The following DEPTOR variants were observed in gnomAD, a reference collection of about 807,000 sequenced individuals.
DEPTOR encodes the protein DEP domain-containing mTOR-interacting protein.
DEPTOR carries 41 observed loss-of-function variants against 41.6 expected under a neutral mutation model. That is an observed-to-expected ratio of 0.98 (90% CI 0.77 to 1.28). DEPTOR has a LOEUF of 1.28. Ranked by LOEUF, DEPTOR falls within the 50% of genes most tolerant of loss-of-function variation. The pLI, the probability that DEPTOR is intolerant of heterozygous loss-of-function variation, is 0.00. For synonymous variants in DEPTOR, 195 were observed against 192.3 expected (o/e 1.01, Z -0.12); for missense variants, 514 against 527.9 (o/e 0.97, Z 0.26).
chr8:119,884,749 A>G (rs964842118), intron 1 of DEPTOR, among the ~76,000 whole-genome samples: 5 of 151,764 alleles, frequency 3.3e-5, no homozygotes, highest in Admixed American at 6.6e-5. Context: ...TTGGAGATAG[A>G]GTCTCTCTCT....
chr8:119,975,387 CTTTG>C (rs749978383), intron 4 of DEPTOR, among the ~76,000 whole-genome samples: 4 of 152,096 alleles, frequency 2.6e-5, no homozygotes, highest in African/African-American at 7.2e-5. Context: ...GTAAGGAAAA[CTTTG>C]TTTAAGATAA....
chr8:120,034,209 C>T (rs1245353961), intron 8 of DEPTOR, among the ~76,000 whole-genome samples: 1 of 151,704 alleles, frequency 6.6e-6, no homozygotes, highest in East Asian at 1.9e-4. Context: ...TTACTTTTCC[C>T]ACCAAAACAC....
Position 119,929,767 on chromosome 8 carries a change from A to T in DEPTOR, c.302-48A>T, listed in dbSNP as rs182428471. On this transcript the variant is annotated intron_variant, in intron 2 of 8. Coordinates refer to ENST00000286234, the MANE Select transcript of DEPTOR (RefSeq NM_022783.4). The stretch of plus-strand genomic sequence containing the variant: ...CATACTTCGCTTGAGTAATTAAATA[A>T]GAGCGATTTTTTTTCTCATTTGCTT... 6,979 of 1,564,068 alleles carry T rather than the reference A, an allele frequency of 4.5e-3. 34 individuals are homozygous for T. Among genetic ancestry groups the T allele is most frequent in the Middle Eastern group, 0.019 (109 of 5,826 alleles).
Position 119,965,242 on chromosome 8 carries a change from C to T in DEPTOR, c.436C>T (p.Pro146Ser). ...GQRLYEKLMS[P>S]ENTLLQPREE... Reference sequence around the variant, plus strand: ...TTTTTTTCTTCCCAGGCTGATGAGCCCTGAAAACACACTCCTGCAGCCCAG... The same window carrying T: ...TTTTTTTCTTCCCAGGCTGATGAGCTCTGAAAACACACTCCTGCAGCCCAG... The change falls in exon 4 of 9, where the codon CCT becomes TCT. Residue 146 changes from proline (P) to serine (S), a missense_variant. By Grantham distance (74) the Pro-to-Ser change is moderately conservative. Transcript: ENST00000286234. 6.2e-7 allele frequency: 1 copy of T among 1,612,356 alleles called. No homozygotes were observed. The highest frequency in any genetic ancestry group is 1.1e-5 in the South Asian group (1 of 90,590).
chr8:119,920,172 A>T (rs190883263), intron 1 of DEPTOR, among the ~76,000 whole-genome samples: 2 of 152,128 alleles, frequency 1.3e-5, no homozygotes, highest in Non-Finnish European at 2.9e-5. Flanking sequence ...ACTCTTCCCA[A>T]TGGTTTAATG....
chr8:119,913,941 C>A (rs919567368), intron 1 of DEPTOR, among the ~76,000 whole-genome samples: 1 of 152,154 alleles, frequency 6.6e-6, no homozygotes, highest in African/African-American at 2.4e-5. Flanking sequence ...ACAAGCCCTC[C>A]TGCTTTTCCT....
Position 119,965,226 on chromosome 8 carries a change from TCCCAG to T in DEPTOR, c.426-5_426-1del. 3.1e-6 allele frequency: 5 copies of T among 1,603,606 alleles called. No homozygotes were observed. Among genetic ancestry groups the T allele is most frequent in the African/African-American group, 1.3e-5 (1 of 74,488 alleles). Reference sequence around the variant, plus strand: ...TTACTTTTCTTTTCCCTTTTTTTCTTCCCAGGCTGATGAGCCCTGAAAACACACTC... The same window carrying T: ...TTACTTTTCTTTTCCCTTTTTTTCTTGCTGATGAGCCCTGAAAACACACTC... On this transcript the variant is annotated splice_acceptor_variant and splice_polypyrimidine_tract_variant and intron_variant, in intron 3 of 8. Coordinates refer to ENST00000286234, the MANE Select transcript of DEPTOR (RefSeq NM_022783.4). LOFTEE classifies it high-confidence loss of function.
intron 1 of DEPTOR, among the ~76,000 whole-genome samples, chr8:119,874,782 T>G (rs2131328574): frequency 6.6e-6 from 1 of 152,246 alleles, no homozygotes; most frequent in South Asian, 2.1e-4. Context: ...CATCCCTGTA[T>G]GGTCCTTCCT....
At chr8:120,008,967 A>G in intron 7 of DEPTOR, 62 bp from the exon 8 acceptor site, 1 of 1,536,918 alleles carries the variant, frequency 6.5e-7, no homozygotes, top group Non-Finnish European at 9.0e-7. Context: ...TCTCTCCCTC[A>G]GAAGAATAAG....
At chr8:119,952,596 C>T (rs1461959263) in intron 3 of DEPTOR, among the ~76,000 whole-genome samples, 2 of 152,196 alleles carry the variant, frequency 1.3e-5, no homozygotes, top group Non-Finnish European at 2.9e-5. Flanking sequence ...GCTACTGGCC[C>T]CAGTATGTGT....
rs536225040 is a variant in DEPTOR, at chr8:120,031,474, A to C, written c.1102-18102A>C. On this transcript the variant is annotated intron_variant, in intron 8 of 8. Coordinates refer to ENST00000286234, the MANE Select transcript of DEPTOR (RefSeq NM_022783.4). ...AGTAAGACTCTGTCTCAAAATAATA[A>C]TAATAATAATAAAATGCATATTTGC... Among the ~76,000 whole-genome samples the C allele has an allele frequency of 2.0e-5, 3 of 152,142 alleles. No individual in the cohort carries two copies. The South Asian group carries it at 6.2e-4, about 32-fold the overall frequency.
intron 1 of DEPTOR, among the ~76,000 whole-genome samples, chr8:119,882,063 T>C (rs1194041403): frequency 6.6e-6 from 1 of 152,044 alleles, no homozygotes. Flanking sequence ...GCTAATTTTT[T>C]AATTTTTAGT....
intron 1 of DEPTOR, among the ~76,000 whole-genome samples, chr8:119,876,637 C>G (rs1387820568): frequency 7.2e-6 from 1 of 139,006 alleles, no homozygotes. Flanking sequence ...GCCTCCATCT[C>G]AAAAAAAAAA....
intron 5 of DEPTOR, among the ~76,000 whole-genome samples, 186 bp from the exon 6 acceptor site, chr8:120,002,791 A>ATATATAT (rs1554584639): frequency 2.3e-4 from 14 of 60,668 alleles, no homozygotes; most frequent in African/African-American, 1.1e-3. Context: ...AAAAAAAAAA[A>ATATATAT]ATATATATAT....
At chr8:120,034,638 T>G (rs1019103997) in intron 8 of DEPTOR, among the ~76,000 whole-genome samples, 1 of 151,512 alleles carries the variant, frequency 6.6e-6, no homozygotes, top group African/African-American at 2.4e-5. Context: ...TTAGTAGAAA[T>G]GGGGTTTCTC....
At chr8:120,025,893 C>T (rs1037078903) in intron 8 of DEPTOR, among the ~76,000 whole-genome samples, 2 of 151,948 alleles carry the variant, frequency 1.3e-5, no homozygotes, top group East Asian at 1.9e-4. Context: ...TTGGCCCAAA[C>T]GGTCCTACCT....
At chr8:120,001,135 G>T (rs1022847226) in intron 4 of DEPTOR, among the ~76,000 whole-genome samples, 7 of 152,044 alleles carry the variant, frequency 4.6e-5, no homozygotes, top group African/African-American at 1.7e-4. Context: ...TGGGCAATGG[G>T]GACACATGAG....
At position 120,019,488 on chromosome 8, in the gene DEPTOR, T is replaced by C. The variant is rs186983063; in HGVS notation, c.1101+10355T>C. Among the ~76,000 whole-genome samples, 64 of 152,244 alleles carry C rather than the reference T, an allele frequency of 4.2e-4. 1 individual carries two copies. In the East Asian group the frequency reaches 0.012, roughly 29 times the overall value. On this transcript the variant is annotated intron_variant, in intron 8 of 8. Transcript: ENST00000286234. ...AGAGGCAACCACTGACGCGATCCTG[T>C]CACGAGAAATTAGTTTAGGCTCTTA...
intron 7 of DEPTOR, among the ~76,000 whole-genome samples, chr8:120,007,721 T>C (rs1328242214): frequency 6.6e-6 from 1 of 152,178 alleles, no homozygotes; most frequent in African/African-American, 2.4e-5. Flanking sequence ...TATTTCACAT[T>C]CTGAATGCTG....
Sources: allele counts gnomAD v4.1 joint callset (sites outside exome capture counted in the v4.1 genomes callset), GRCh38; gene constraint gnomAD v4.1.1; transcripts MANE v1.5; gene names NCBI Gene and HGNC (gene_info 2026-07-23, HGNC 2026-07-21).